The following SETBP1 variants were observed in gnomAD, a reference collection of about 807,000 sequenced individuals.
SETBP1 encodes the protein SET binding protein 1.
In SETBP1, 9 loss-of-function variants were observed where a neutral mutation model predicts 101.0. The observed-to-expected ratio is 0.09, with a 90% CI of 0.05 to 0.16. The LOEUF (loss-of-function observed/expected upper bound fraction) is 0.16, where lower values mean the gene tolerates loss of function less well. Ranked by LOEUF, SETBP1 falls within the 10% of genes least tolerant of loss-of-function variation. The pLI is 1.00. For synonymous variants in SETBP1, 818 were observed against 788.5 expected, an observed-to-expected ratio of 1.04 and a Z score of -0.63; for missense variants, 1,858 against 2,033.8, an observed-to-expected ratio of 0.91 and a Z score of 1.66.
chr18:44,883,245 G>A (rs2144746546), intron 3 of SETBP1, among the ~76,000 whole-genome samples: 1 of 152,298 alleles, frequency 6.6e-6, no homozygotes, highest in East Asian at 1.9e-4. Flanking sequence ...GATGTTCTGA[G>A]ATGCAATTTA....
At chr18:44,816,877 A>T (rs1031206844) in intron 2 of SETBP1, among the ~76,000 whole-genome samples, 2 of 152,136 alleles carry the variant, frequency 1.3e-5, no homozygotes, top group Non-Finnish European at 2.9e-5. Flanking sequence ...CTGACCCAGG[A>T]TACTGTGTGT....
In SETBP1 at chr18:44,860,161, G is replaced by A. The variant is rs1421799874; in HGVS notation, c.487-9069G>A. Among the ~76,000 whole-genome samples, 10 of 152,246 alleles carry A rather than the reference G, an allele frequency of 6.6e-5. No homozygotes were observed. In the East Asian group the frequency reaches 9.7e-4, roughly 15 times the overall value. ...CTGGTCAGTTCTAAGCAGAAATTCC[G>A]TAAATGATGAGAAGAAGAGGAAAGC... On this transcript the variant is annotated intron_variant, in intron 2 of 5. Transcript: ENST00000649279.
intron 3 of SETBP1, among the ~76,000 whole-genome samples, chr18:44,930,774 G>C (rs1333709788): frequency 6.6e-6 from 1 of 152,020 alleles, no homozygotes; most frequent in Non-Finnish European, 1.5e-5. Flanking sequence ...TGTGGGATTG[G>C]TGGTGATATC....
intron 2 of SETBP1, among the ~76,000 whole-genome samples, chr18:44,749,641 C>T (rs372113957): frequency 2.0e-4 from 30 of 152,182 alleles, no homozygotes; most frequent in South Asian, 4.2e-4. Flanking sequence ...AAAGAGCTTG[C>T]GGTTTGTTGC....
chr18:44,847,905 C>G lies in SETBP1; in HGVS notation c.487-21325C>G, dbSNP rs933504498. 4.6e-5 allele frequency among the ~76,000 whole-genome samples: 7 copies of G among 152,080 alleles called. 1 individual carries two copies. In the South Asian group the frequency reaches 1.0e-3, roughly 23 times the overall value. On this transcript the variant is annotated intron_variant, in intron 2 of 5. Coordinates refer to ENST00000649279, the MANE Select transcript of SETBP1 (RefSeq NM_015559.3). ...GACCTGCATGAAGTTAGGGAGGGAG[C>G]AGGCAGGCATCCCAGGAAAGAGCAT...
chr18:44,788,899 G>T (rs939354621), intron 2 of SETBP1, among the ~76,000 whole-genome samples: 1 of 148,432 alleles, frequency 6.7e-6, no homozygotes, highest in Non-Finnish European at 1.5e-5. Context: ...CTGGGCTCAG[G>T]TGATCCTCCC....
At chr18:44,831,907 C>T (rs953290209) in intron 2 of SETBP1, among the ~76,000 whole-genome samples, 3 of 152,138 alleles carry the variant, frequency 2.0e-5, no homozygotes, top group African/African-American at 7.2e-5. Flanking sequence ...TTCTGTGGGA[C>T]TGAGTTGTGT....
chr18:44,718,835 A>T (rs1048502081), intron 2 of SETBP1, among the ~76,000 whole-genome samples: 17 of 152,136 alleles, frequency 1.1e-4, no homozygotes, highest in African/African-American at 4.1e-4. Flanking sequence ...GATACTCTAT[A>T]AGCAGAAAGC....
chr18:45,029,071 C>T (rs1181728647), intron 4 of SETBP1, among the ~76,000 whole-genome samples: 3 of 152,182 alleles, frequency 2.0e-5, no homozygotes, highest in Non-Finnish European at 4.4e-5. Flanking sequence ...GTGTTTTAGA[C>T]ATGAAGTCCT....
intron 4 of SETBP1, among the ~76,000 whole-genome samples, chr18:45,002,955 A>G (rs1330556344): frequency 3.9e-5 from 6 of 152,144 alleles, no homozygotes; most frequent in African/African-American, 9.7e-5. Context: ...TGGAGGTGGG[A>G]GCTGAGCACC....
intron 3 of SETBP1, among the ~76,000 whole-genome samples, chr18:44,947,604 T>C (rs998640769): frequency 2.0e-5 from 3 of 151,780 alleles, no homozygotes; most frequent in Admixed American, 6.6e-5. Flanking sequence ...CTTCCCGGGT[T>C]CAAGTGATTC....
intron 2 of SETBP1, among the ~76,000 whole-genome samples, chr18:44,868,729 AGG>A (rs2069196572): frequency 1.7e-5 from 1 of 57,696 alleles, no homozygotes; most frequent in Non-Finnish European, 4.5e-5. Flanking sequence ...GAAGGAAGGA[AGG>A]AAGGAAGGAA....
chr18:44,864,131 C>G (rs537351519), intron 2 of SETBP1, among the ~76,000 whole-genome samples: 2 of 152,164 alleles, frequency 1.3e-5, no homozygotes, highest in Admixed American at 1.3e-4. Flanking sequence ...AATGGAGTCA[C>G]CTCCTCCCCT....
At position 44,776,700 on chromosome 18, in the gene SETBP1, A is replaced by AT. The variant is rs1325554565; in HGVS notation, c.486+74869dup. Among the ~76,000 whole-genome samples, 6 of 152,364 alleles carry AT rather than the reference A, an allele frequency of 3.9e-5. No individual in the cohort carries two copies. In the East Asian group the frequency reaches 1.2e-3, roughly 29 times the overall value. ...AGCCACAAAAAAATAGTAAAGAAAT[A>AT]TAAAACACCTTAAATAATAATGCCC... On this transcript the variant is annotated intron_variant, in intron 2 of 5. Transcript: ENST00000649279.
intron 4 of SETBP1, among the ~76,000 whole-genome samples, chr18:44,957,291 A>G (rs564762365): frequency 2.6e-5 from 4 of 152,170 alleles, no homozygotes; most frequent in African/African-American, 9.6e-5. Context: ...TATTCAGACC[A>G]CTTGGAAACA....
chr18:44,988,346 G>A (rs2072285008), intron 4 of SETBP1: 1 of 152,208 alleles, frequency 6.6e-6, no homozygotes, highest in African/African-American at 2.4e-5. Flanking sequence ...TGGAGAAGGA[G>A]AAAAGTCAGT....
chr18:44,827,157 G>T (rs2072256477), intron 2 of SETBP1, among the ~76,000 whole-genome samples: 1 of 152,140 alleles, frequency 6.6e-6, no homozygotes, highest in Non-Finnish European at 1.5e-5. Context: ...TTAAAGAAAA[G>T]AAACTTGTAA....
At chr18:44,876,064 T>C (rs72909570) in intron 3 of SETBP1, among the ~76,000 whole-genome samples, 1 of 152,366 alleles carries the variant, frequency 6.6e-6, no homozygotes, top group Non-Finnish European at 1.5e-5. Context: ...AGGGAATTGC[T>C]GCATAGCATT....
chr18:44,702,139 GA>G (rs1347447392), intron 2 of SETBP1, among the ~76,000 whole-genome samples: 11 of 152,040 alleles, frequency 7.2e-5, no homozygotes, highest in Non-Finnish European at 1.5e-5. Flanking sequence ...ACGATCTTAA[GA>G]AAATCAAAAA....
Sources: gnomAD v4.1 joint callset for allele counts (sites outside exome capture counted in the v4.1 genomes callset) on GRCh38, gnomAD v4.1.1 for gene constraint, MANE v1.5 for transcripts, NCBI Gene and HGNC (gene_info 2026-07-23, HGNC 2026-07-21) for gene names.